The following TTC28 variants were observed in gnomAD, a reference collection of about 807,000 sequenced individuals.
The protein encoded by TTC28 is tetratricopeptide repeat domain 28.
Under a neutral mutation model 198.0 loss-of-function variants are expected in TTC28, and 61 were observed. The ratio of observed to expected loss-of-function variants is 0.31; its 90% CI spans 0.25 to 0.38. The LOEUF is 0.38. TTC28 is among the 10% of genes least tolerant of loss of function. TTC28 has a pLI of 1.00. For synonymous variants in TTC28, 1,171 were observed against 1,297.8 expected, an observed-to-expected ratio of 0.90 and a Z score of 2.10; for missense variants, 2,678 against 3,164.0, an observed-to-expected ratio of 0.85 and a Z score of 3.69.
At chr22:28,330,062 T>C (rs2045591682) in intron 2 of TTC28, among the ~76,000 whole-genome samples, 1 of 152,202 alleles carries the variant, frequency 6.6e-6, no homozygotes, top group South Asian at 2.1e-4. Flanking sequence ...TATGAAATTA[T>C]GACAGCAATT....
At chr22:28,523,537 G>C (rs1166202726) in intron 2 of TTC28, among the ~76,000 whole-genome samples, 3 of 152,154 alleles carry the variant, frequency 2.0e-5, no homozygotes, top group Admixed American at 2.0e-4. Flanking sequence ...TGTCAAGGGA[G>C]GTGGAGACGA....
chr22:28,079,749 TAC>T (rs1449554985), intron 12 of TTC28, among the ~76,000 whole-genome samples: 1 of 152,160 alleles, frequency 6.6e-6, no homozygotes, highest in Non-Finnish European at 1.5e-5. Context: ...CTTCCCCCAG[TAC>T]AGAGTCTCGC....
chr22:28,294,750 G>A (rs1208054995), intron 5 of TTC28, among the ~76,000 whole-genome samples: 2 of 152,060 alleles, frequency 1.3e-5, no homozygotes, highest in African/African-American at 4.8e-5. Flanking sequence ...TGTATTTTAA[G>A]TAGAGACGGG....
chr22:28,068,650 A>G (rs1940850566), intron 12 of TTC28, among the ~76,000 whole-genome samples: 1 of 152,164 alleles, frequency 6.6e-6, no homozygotes, highest in Non-Finnish European at 1.5e-5. Flanking sequence ...CACCAAAGCA[A>G]TTACTTAGGG....
At chr22:28,218,105 C>T (rs1927547712) in intron 5 of TTC28, among the ~76,000 whole-genome samples, 1 of 152,164 alleles carries the variant, frequency 6.6e-6, no homozygotes, top group Admixed American at 6.5e-5. Context: ...CAAAACTTGA[C>T]ACGTGCTTTT....
At chr22:28,028,852 G>A in intron 13 of TTC28, 1 of 374,838 alleles carries the variant, frequency 2.7e-6, no homozygotes, top group Non-Finnish European at 5.4e-6. Flanking sequence ...CACATTACAG[G>A]AACCCTGCAG....
intron 2 of TTC28, among the ~76,000 whole-genome samples, chr22:28,384,929 G>A (rs1188333684): frequency 1.3e-5 from 2 of 151,846 alleles, no homozygotes; most frequent in Non-Finnish European, 2.9e-5. Context: ...GATCATCTGA[G>A]GTCAGGAGTT....
intron 2 of TTC28, among the ~76,000 whole-genome samples, chr22:28,561,384 C>G (rs2049877924): frequency 6.6e-6 from 1 of 152,106 alleles, no homozygotes; most frequent in Non-Finnish European, 1.5e-5. Context: ...CCATCTCCTT[C>G]ATTTTATAAC....
At chr22:28,032,254 T>G (rs986451357) in intron 12 of TTC28, among the ~76,000 whole-genome samples, 1 of 100,902 alleles carries the variant, frequency 9.9e-6, no homozygotes, top group African/African-American at 4.5e-5. Context: ...ATATAAAATA[T>G]ATATATATAT....
At chr22:28,430,048 T>TC in intron 2 of TTC28, among the ~76,000 whole-genome samples, 1 of 150,904 alleles carries the variant, frequency 6.6e-6, no homozygotes, top group African/African-American at 2.4e-5. Context: ...TTTTTTTTTT[T>TC]TTTTTTTTTT....
chr22:28,434,796 C>T (rs989230782), intron 2 of TTC28, among the ~76,000 whole-genome samples: 5 of 152,072 alleles, frequency 3.3e-5, no homozygotes, highest in Middle Eastern at 3.2e-3. Flanking sequence ...GAGTGTGTGT[C>T]CAAACAATCA....
chr22:28,383,800 G>A (rs1401268328), intron 2 of TTC28, among the ~76,000 whole-genome samples: 1 of 152,148 alleles, frequency 6.6e-6, no homozygotes, highest in Non-Finnish European at 1.5e-5. Flanking sequence ...TGTATCTGGT[G>A]TCCTCACAGC....
chr22:28,030,207 G>A lies in TTC28; in HGVS notation c.4073+19C>T. 6.4e-7 allele frequency: 1 copy of A among 1,551,238 alleles called. No homozygotes were observed. The highest frequency in any genetic ancestry group is 8.7e-7 in the Non-Finnish European group (1 of 1,146,882). ...CACCCTGCCCTGCACTGGGCCTGGG[G>A]AAAGCGCCCCACACTCACCTGTTAA... On this transcript the variant is annotated intron_variant, in intron 13 of 22. Transcript: ENST00000397906.
intron 5 of TTC28, among the ~76,000 whole-genome samples, chr22:28,277,088 T>A (rs1179668974): frequency 6.6e-6 from 1 of 152,082 alleles, no homozygotes; most frequent in African/African-American, 2.4e-5. Flanking sequence ...ATAAAAAAAA[T>A]TTAGAAAGTT....
At chr22:28,009,721 A>C (rs1938067832) in intron 14 of TTC28, among the ~76,000 whole-genome samples, 1 of 152,236 alleles carries the variant, frequency 6.6e-6, no homozygotes, top group South Asian at 2.1e-4. Flanking sequence ...GAGTGACCAG[A>C]CATGAGAACA....
Position 28,012,673 on chromosome 22 carries a change from G to A in TTC28, c.4218+1575C>T, listed in dbSNP as rs536948418. On this transcript the variant is annotated intron_variant, in intron 14 of 22. Transcript: ENST00000397906. ...ACTACAGTTGTGCACCATCATGCCTGGCTAATTTTTGTATTTTTTGTAGAG... is the reference window on the plus strand; with the variant it reads ...ACTACAGTTGTGCACCATCATGCCTAGCTAATTTTTGTATTTTTTGTAGAG... 1.2e-4 allele frequency among the ~76,000 whole-genome samples: 18 copies of A among 152,218 alleles called. No individual in the cohort carries two copies. In the South Asian group the frequency reaches 1.2e-3, roughly 11 times the overall value.
At chr22:28,116,704 T>C (rs1362201084) in intron 6 of TTC28, among the ~76,000 whole-genome samples, 1 of 152,244 alleles carries the variant, frequency 6.6e-6, no homozygotes, top group African/African-American at 2.4e-5. Context: ...ATAGAATCAC[T>C]GAAATGCTGA....
chr22:28,035,785 C>T (rs1467661333), intron 12 of TTC28, among the ~76,000 whole-genome samples: 1 of 152,156 alleles, frequency 6.6e-6, no homozygotes, highest in Non-Finnish European at 1.5e-5. Context: ...AATTAGTAAA[C>T]TTTTAAGACG....
chr22:28,675,451 G>A (rs1444275715), intron 1 of TTC28, among the ~76,000 whole-genome samples: 8 of 152,032 alleles, frequency 5.3e-5, no homozygotes, highest in Non-Finnish European at 1.0e-4. Context: ...TGGCATCAGA[G>A]GACATTATCA....
Sources: gnomAD v4.1 joint callset for allele counts (sites outside exome capture counted in the v4.1 genomes callset) on GRCh38, gnomAD v4.1.1 for gene constraint, MANE v1.5 for transcripts, NCBI Gene and HGNC (gene_info 2026-07-23, HGNC 2026-07-21) for gene names.